CADPS: variants seen among roughly 807,000 people sequenced by gnomAD.
The protein encoded by CADPS is calcium-dependent secretion activator 1.
A neutral mutation model predicts 167.3 loss-of-function variants in CADPS; 57 were observed. The ratio of observed to expected loss-of-function variants is 0.34; its 90% confidence interval spans 0.28 to 0.42. The LOEUF (loss-of-function observed/expected upper bound fraction) is 0.42, where lower values mean the gene tolerates loss of function less well. CADPS is among the 20% of genes least tolerant of loss of function. The pLI, the probability that CADPS is intolerant of heterozygous loss-of-function variation, is 1.00. For synonymous variants in CADPS, 676 were observed against 635.3 expected (o/e 1.06, Z -0.96); for missense variants, 1,414 against 1,738.1 (o/e 0.81, Z 3.32).
intron 3 of CADPS, among the ~76,000 whole-genome samples, chr3:62,707,588 T>C (rs1484416696): frequency 6.6e-6 from 1 of 152,156 alleles, no homozygotes; most frequent in Non-Finnish European, 1.5e-5. Context: ...TAAGGTTGTG[T>C]TTTCCATTAT....
rs78678119 is a variant in CADPS at position 62,585,052 on chromosome 3, C to T, written c.1577+133G>A. On this transcript the variant is annotated intron_variant, in intron 8 of 29. Coordinates refer to ENST00000383710, the MANE Select transcript of CADPS (RefSeq NM_003716.4). ...GGAAGTTTACAGTAAATATCAAAGT[C>T]GAATATTTTAATATGAATTCTTTAT... 5,266 of 843,672 alleles carry T rather than the reference C, an allele frequency of 6.2e-3. 37 individuals carry two copies. The highest frequency in any genetic ancestry group is 7.5e-3 in the Non-Finnish European group (4,189 of 557,590). 52.3% of individuals were successfully genotyped at this position (843,672 alleles called of 1,614,324 possible).
At chr3:62,721,509 C>T (rs2075824407) in intron 3 of CADPS, among the ~76,000 whole-genome samples, 1 of 152,102 alleles carries the variant, frequency 6.6e-6, no homozygotes, top group Non-Finnish European at 1.5e-5. Flanking sequence ...GTATCACCGC[C>T]TTCTAAGAGA....
chr3:62,663,273 G>A (rs2073715622), intron 3 of CADPS, among the ~76,000 whole-genome samples: 1 of 152,070 alleles, frequency 6.6e-6, no homozygotes, highest in Non-Finnish European at 1.5e-5. Context: ...TGAATGTAAG[G>A]GCTGTAGGTG....
At chr3:62,782,231 C>T (rs1221893256) in intron 1 of CADPS, among the ~76,000 whole-genome samples, 1 of 152,180 alleles carries the variant, frequency 6.6e-6, no homozygotes, top group African/African-American at 2.4e-5. Flanking sequence ...TTAATGAAGC[C>T]TCTCTAAAGT....
intron 20 of CADPS, 85 bp from the exon 21 acceptor site, chr3:62,491,565 A>G (rs2063732000): frequency 1.1e-6 from 1 of 931,656 alleles, no homozygotes; most frequent in East Asian, 2.5e-5. Context: ...ACAAACACAC[A>G]CACACACACA....
chr3:62,474,163 T>TTTTTTTTTTTTC lies in CADPS; in HGVS notation c.3477+9_3477+10insGAAAAAAAAAAA, dbSNP rs755374403. On this transcript the variant is annotated intron_variant, in intron 24 of 29. Transcript: ENST00000383710. ...GAAAAAAAAATCTGTATTTTTTTTT[T>TTTTTTTTTTTTC]TTTTTTTACCTCTTGGCCCATTTCC... 2 of 1,402,006 alleles carry TTTTTTTTTTTTC rather than the reference T, an allele frequency of 1.4e-6. No homozygotes were observed. Among genetic ancestry groups the TTTTTTTTTTTTC allele is most frequent in the South Asian group, 1.6e-5 (1 of 62,138 alleles). 86.8% of individuals were successfully genotyped at this position (1,402,006 alleles called of 1,614,324 possible).
At position 62,518,332 on chromosome 3, in the gene CADPS, C is replaced by T. The variant is rs896010211; in HGVS notation, c.2292-82G>A. 3 of 1,046,888 alleles carry T rather than the reference C, an allele frequency of 2.9e-6. No individual in the cohort carries two copies. In the Admixed American group the frequency reaches 6.4e-5, roughly 22 times the overall value. 64.8% of individuals were successfully genotyped at this position (1,046,888 alleles called of 1,614,324 possible). On this transcript the variant is annotated intron_variant, in intron 13 of 29. Coordinates refer to ENST00000383710, the MANE Select transcript of CADPS (RefSeq NM_003716.4). Reference sequence around the variant, plus strand: ...CAAATCTCTAGCAGGAGGAAACTGTCCATTTTAGAAGAAACAACTACAGTG... The same window carrying T: ...CAAATCTCTAGCAGGAGGAAACTGTTCATTTTAGAAGAAACAACTACAGTG...
intron 1 of CADPS, among the ~76,000 whole-genome samples, chr3:62,767,844 C>T (rs2087315764): frequency 6.6e-6 from 1 of 151,940 alleles, no homozygotes; most frequent in African/African-American, 2.4e-5. Context: ...TTTACTTAAC[C>T]CAATATAGCC....
intron 26 of CADPS, among the ~76,000 whole-genome samples, chr3:62,459,431 T>A (rs1388044137): frequency 6.6e-6 from 1 of 152,232 alleles, no homozygotes; most frequent in African/African-American, 2.4e-5. Context: ...ACTCCATGCC[T>A]GTCATTTTTC....
chr3:62,585,964 A>G (rs144252370), intron 7 of CADPS, among the ~76,000 whole-genome samples: 1 of 152,352 alleles, frequency 6.6e-6, no homozygotes, highest in African/African-American at 2.4e-5. Flanking sequence ...AATGCCTTTC[A>G]TCAGTGTGCT....
At chr3:62,823,964 T>C (rs1043904583) in intron 1 of CADPS, among the ~76,000 whole-genome samples, 1 of 152,092 alleles carries the variant, frequency 6.6e-6, no homozygotes, top group African/African-American at 2.4e-5. Flanking sequence ...GCTCCTGCTC[T>C]GATCCTCCAT....
chr3:62,823,763 C>A (rs536596806), intron 1 of CADPS, among the ~76,000 whole-genome samples: 3 of 152,254 alleles, frequency 2.0e-5, no homozygotes, highest in South Asian at 2.1e-4. Context: ...TCTCTTTAAT[C>A]GTCTCATCCA....
At chr3:62,797,117 A>C (rs1335797202) in intron 1 of CADPS, among the ~76,000 whole-genome samples, 1 of 152,188 alleles carries the variant, frequency 6.6e-6, no homozygotes. Context: ...TATCCAACCC[A>C]AAAGTTTTCT....
chr3:62,855,628 T>C lies in CADPS; in HGVS notation c.441+18961A>G, dbSNP rs570742187. ...TAAAATTATGGTTAACTTAAAAATA[T>C]TTAGCTGAAGTAGCAAGTCACAAAA... is the stretch of plus-strand genomic sequence containing the variant. On this transcript the variant is annotated intron_variant, in intron 1 of 29. Coordinates refer to ENST00000383710, the MANE Select transcript of CADPS (RefSeq NM_003716.4). 3.3e-5 allele frequency among the ~76,000 whole-genome samples: 5 copies of C among 152,270 alleles called. No homozygotes were observed. The East Asian group carries it at 9.7e-4, about 29-fold the overall frequency.
chr3:62,530,453 C>T (rs745346737), intron 13 of CADPS, among the ~76,000 whole-genome samples: 31 of 152,128 alleles, frequency 2.0e-4, no homozygotes, highest in Non-Finnish European at 4.4e-4. Context: ...TCACTGAACA[C>T]CTGACTCAAA....
intron 6 of CADPS, among the ~76,000 whole-genome samples, chr3:62,630,401 T>C (rs2065054473): frequency 6.6e-6 from 1 of 152,204 alleles, no homozygotes; most frequent in Non-Finnish European, 1.5e-5. Context: ...AGTGCAGTGG[T>C]GAGATCTCTG....
chr3:62,488,822 T>C (rs1452775202), intron 21 of CADPS, among the ~76,000 whole-genome samples: 1 of 152,154 alleles, frequency 6.6e-6, no homozygotes, highest in East Asian at 1.9e-4. Flanking sequence ...CTCCACAGAC[T>C]CTGAAAGGCA....
At chr3:62,822,579 C>T (rs2073175068) in intron 1 of CADPS, among the ~76,000 whole-genome samples, 1 of 152,318 alleles carries the variant, frequency 6.6e-6, no homozygotes, top group East Asian at 1.9e-4. Context: ...TAGTGGCTCA[C>T]GCCTGTAATC....
intron 1 of CADPS, among the ~76,000 whole-genome samples, chr3:62,794,953 C>G (rs991786945): frequency 6.6e-6 from 1 of 152,022 alleles, no homozygotes; most frequent in Non-Finnish European, 1.5e-5. Context: ...AGATCACTGT[C>G]TCTTTGCCAG....
Sources: gnomAD v4.1 joint callset for allele counts (sites outside exome capture counted in the v4.1 genomes callset) on GRCh38, gnomAD v4.1.1 for gene constraint, MANE v1.5 for transcripts, NCBI Gene and HGNC (gene_info 2026-07-23, HGNC 2026-07-21) for gene names.